The following SNX29 variants were observed in gnomAD, a reference collection of about 807,000 sequenced individuals.
The protein encoded by SNX29 is sorting nexin-29.
In SNX29, 78 loss-of-function variants were observed where a neutral mutation model predicts 102.1. The observed-to-expected ratio is 0.76, with a 90% confidence interval of 0.64 to 0.92. The LOEUF (loss-of-function observed/expected upper bound fraction) is 0.92, where lower values mean the gene tolerates loss of function less well. SNX29 is among the 40% of genes least tolerant of loss of function. SNX29 has a pLI of 0.00. For missense variants in SNX29, 1,280 were observed against 1,061.7 expected, an observed-to-expected ratio of 1.21 and a Z score of -2.86; for synonymous variants, 580 against 414.5, an observed-to-expected ratio of 1.40 and a Z score of -4.85.
intron 15 of SNX29, among the ~76,000 whole-genome samples, chr16:12,338,199 C>A (rs2081508757): frequency 6.6e-6 from 1 of 152,142 alleles, no homozygotes; most frequent in Non-Finnish European, 1.5e-5. Flanking sequence ...TGCAGTTTGC[C>A]GAAACCACGG....
At chr16:12,504,043 C>G (rs780198690) in intron 19 of SNX29, among the ~76,000 whole-genome samples, 2 of 152,178 alleles carry the variant, frequency 1.3e-5, no homozygotes, top group African/African-American at 2.4e-5. Context: ...TTGGTAGTCA[C>G]CCCATCCTCT....
At position 12,098,254 on chromosome 16, in the gene SNX29, T is replaced by A. The variant is rs1453215638; in HGVS notation, c.1402+19339T>A. 6.6e-6 allele frequency among the ~76,000 whole-genome samples: 1 copy of A among 152,196 alleles called. No individual in the cohort carries two copies. The highest frequency in any genetic ancestry group is 1.5e-5 in the Non-Finnish European group (1 of 68,036). On this transcript the variant is annotated intron_variant, in intron 11 of 20. Coordinates refer to ENST00000566228, the MANE Select transcript of SNX29 (RefSeq NM_032167.5). The surrounding 1 kb of genome is among the most constrained non-coding windows in gnomAD (Gnocchi z 6.0). ...AATATTAATGTTAAAAATTTGTATT[T>A]AAATTTTTGTTTTGCATAAGTATAT...
chr16:12,408,093 G>T (rs2084240179), intron 18 of SNX29, among the ~76,000 whole-genome samples: 1 of 151,892 alleles, frequency 6.6e-6, no homozygotes, highest in Non-Finnish European at 1.5e-5. Flanking sequence ...AGGAGTTTGA[G>T]ATTGCACTGA....
chr16:12,113,757 C>T (rs780183939), intron 11 of SNX29, among the ~76,000 whole-genome samples: 5 of 152,340 alleles, frequency 3.3e-5, no homozygotes, highest in East Asian at 1.9e-4. Flanking sequence ...TTAGACGGGT[C>T]GGGGTCATAT....
At chr16:12,492,358 C>T (rs1222255702) in intron 19 of SNX29, among the ~76,000 whole-genome samples, 1 of 152,074 alleles carries the variant, frequency 6.6e-6, no homozygotes, top group African/African-American at 2.4e-5. Context: ...ATATCCTTCG[C>T]CCACTTTTTG....
intron 1 of SNX29, among the ~76,000 whole-genome samples, chr16:11,987,994 C>CTT (rs2055697361): frequency 6.6e-6 from 1 of 152,124 alleles, no homozygotes; most frequent in Non-Finnish European, 1.5e-5. Context: ...GGGAATTTCA[C>CTT]TTTAAATGTT....
intron 18 of SNX29, chr16:12,443,211 G>C: frequency 2.9e-6 from 1 of 340,578 alleles, no homozygotes; most frequent in Non-Finnish European, 5.8e-6. Context: ...TCCTGCTGGG[G>C]ACATGGCATT....
chr16:12,450,455 C>T (rs1361608801), intron 18 of SNX29, among the ~76,000 whole-genome samples: 3 of 152,172 alleles, frequency 2.0e-5, no homozygotes, highest in African/African-American at 7.2e-5. Flanking sequence ...AGCTCTCTAT[C>T]CCATTAATTG....
chr16:12,485,926 G>C (rs1231161712), intron 19 of SNX29, among the ~76,000 whole-genome samples: 2 of 152,196 alleles, frequency 1.3e-5, no homozygotes, highest in East Asian at 3.8e-4. Context: ...TGGGCCAGCA[G>C]AATCAATGCA....
chr16:12,469,858 A>G (rs1424290792), intron 18 of SNX29, among the ~76,000 whole-genome samples: 3 of 152,122 alleles, frequency 2.0e-5, no homozygotes, highest in Non-Finnish European at 2.9e-5. Flanking sequence ...TAACAATACA[A>G]AATTAACCAG....
At chr16:12,183,490 A>G (rs1173827200) in intron 13 of SNX29, among the ~76,000 whole-genome samples, 1 of 152,144 alleles carries the variant, frequency 6.6e-6, no homozygotes, top group African/African-American at 2.4e-5. Context: ...CATACTGTGT[A>G]TAGATATGTA....
intron 13 of SNX29, among the ~76,000 whole-genome samples, chr16:12,146,507 C>G (rs2055072027): frequency 6.6e-6 from 1 of 152,178 alleles, no homozygotes; most frequent in African/African-American, 2.4e-5. Flanking sequence ...CTCAAGTGAT[C>G]CACCCGCCTT....
intron 13 of SNX29, among the ~76,000 whole-genome samples, chr16:12,141,878 C>A (rs2054881146): frequency 1.3e-5 from 2 of 152,158 alleles, no homozygotes; most frequent in Admixed American, 1.3e-4. Flanking sequence ...CTCCTGACCT[C>A]CCATCTCATC....
At chr16:12,129,898 A>G (rs2054381851) in intron 13 of SNX29, 140 bp downstream of exon 13, 4 of 1,002,614 alleles carry the variant, frequency 4.0e-6, no homozygotes, top group Non-Finnish European at 5.6e-6. Flanking sequence ...AGGTCAGGAG[A>G]TCGAGACCAT....
chr16:12,239,761 C>T (rs575648838), intron 14 of SNX29, among the ~76,000 whole-genome samples: 28 of 151,506 alleles, frequency 1.8e-4, no homozygotes, highest in African/African-American at 6.5e-4. Context: ...TCAGGGCTAC[C>T]GTGAGCTGGT....
Position 12,515,534 on chromosome 16 carries a change from C to T in SNX29, c.2179-9168C>T, listed in dbSNP as rs150065776. 146 of 491,224 alleles carry T rather than the reference C, an allele frequency of 3.0e-4. 1 individual carries two copies. Among genetic ancestry groups the T allele is most frequent in the African/African-American group, 2.4e-3 (124 of 51,462 alleles). The allele number at this position is 491,224 out of a possible 1,614,324, so 30.4% of individuals were successfully genotyped here. On this transcript the variant is annotated intron_variant, in intron 19 of 20. Transcript: ENST00000566228. ...CCGCCACCATCTCCTGCCTGGATGA[C>T]TGCAGCAGCATCCTTGCTGGCCTCT...
At chr16:12,537,984 CAAAAAAAAAA>C (rs33931845) in intron 20 of SNX29, among the ~76,000 whole-genome samples, 2 of 128,006 alleles carry the variant, frequency 1.6e-5, no homozygotes, top group East Asian at 2.2e-4. Context: ...AACTCCGTTT[CAAAAAAAAAA>C]AAAAAAAAAT....
chr16:12,431,080 G>C (rs2085292927), intron 18 of SNX29, among the ~76,000 whole-genome samples: 1 of 152,150 alleles, frequency 6.6e-6, no homozygotes, highest in African/African-American at 2.4e-5. Flanking sequence ...TCGAACTCCT[G>C]ATCTCAGGTG....
intron 14 of SNX29, among the ~76,000 whole-genome samples, chr16:12,243,519 G>C (rs182205884): frequency 7.2e-5 from 11 of 152,310 alleles, no homozygotes; most frequent in African/African-American, 2.6e-4. Flanking sequence ...ACTAGATCCT[G>C]CTGGTTATTC....
Sources: allele counts gnomAD v4.1 joint callset (sites outside exome capture counted in the v4.1 genomes callset), GRCh38; gene constraint gnomAD v4.1.1; non-coding constraint Gnocchi (gnomAD v3.1); transcripts MANE v1.5; gene names NCBI Gene and HGNC (gene_info 2026-07-23, HGNC 2026-07-21).